Variants in NAV1 observed in about 807,000 individuals in gnomAD.
The protein encoded by NAV1 is neuron navigator 1, also known as pore membrane and/or filament interacting like protein 3.
A neutral mutation model predicts 175.2 loss-of-function variants in NAV1; 18 were observed. The observed-to-expected ratio is 0.10, with a 90% confidence interval of 0.07 to 0.15. The LOEUF is 0.15. Among genes scored for constraint, NAV1 ranks in the 10% least tolerant of loss-of-function variants. The pLI, the probability that NAV1 is intolerant of heterozygous loss-of-function variation, is 1.00. For synonymous variants in NAV1, 897 were observed against 978.7 expected, an observed-to-expected ratio of 0.92 and a Z score of 1.56; for missense variants, 1,731 against 2,436.6, an observed-to-expected ratio of 0.71 and a Z score of 6.10.
At chr1:201,672,061 T>C (rs1670065548) in intron 1 of NAV1, among the ~76,000 whole-genome samples, 1 of 152,114 alleles carries the variant, frequency 6.6e-6, no homozygotes, top group South Asian at 2.1e-4. Flanking sequence ...CTTCTCTACT[T>C]TCTCTCAGGA....
upstream of NAV1, chr1:201,622,823 A>T (rs1668214380): frequency 1.0e-6 from 1 of 985,096 alleles, no homozygotes; most frequent in African/African-American, 1.7e-5. Context: ...GATGTGCCTG[A>T]CGGTCTTTTT....
intron 17 of NAV1, among the ~76,000 whole-genome samples, chr1:201,804,870 A>G (rs947027138): frequency 2.6e-5 from 4 of 152,208 alleles, no homozygotes; most frequent in Non-Finnish European, 5.9e-5. Flanking sequence ...TAGAGACCCA[A>G]CATGGAAGAG....
In NAV1 at chr1:201,694,472, G is replaced by A. The variant is rs1413985101; in HGVS notation, c.758-18345G>A. Among the ~76,000 whole-genome samples the A allele has an allele frequency of 6.6e-6, 1 of 152,192 alleles. No homozygotes were observed. The highest frequency in any genetic ancestry group is 1.5e-5 in the Non-Finnish European group (1 of 68,034). Reference sequence around the variant, plus strand: ...GGGAGGGTGAGGGCCGGGGTCACCAGCTGCTGGGGCTTCTTGCCCTGAGTT... The same window carrying A: ...GGGAGGGTGAGGGCCGGGGTCACCAACTGCTGGGGCTTCTTGCCCTGAGTT... On this transcript the variant is annotated intron_variant, in intron 1 of 29. Transcript: ENST00000367296. This position sits in a 1 kb window ranked among gnomAD's most constrained non-coding sequence, Gnocchi z 4.2.
chr1:201,809,379 G>A, intron 21 of NAV1, 63 bp from the exon 26 acceptor site: 1 of 1,595,594 alleles, frequency 6.3e-7, no homozygotes, highest in East Asian at 2.2e-5. Flanking sequence ...AGGCCTTTAG[G>A]ACCCCGGTTC....
exon 7 of NAV1, chr1:201,783,577 C>T (rs568935530): frequency 6.8e-6 from 11 of 1,614,196 alleles, no homozygotes; most frequent in East Asian, 2.2e-5. Flanking sequence ...GCTTCACCCC[C>T]AGTCCGGCAC....
chr1:201,743,775 A>G (rs1240542543), intron 3 of NAV1, among the ~76,000 whole-genome samples: 1 of 152,218 alleles, frequency 6.6e-6, no homozygotes, highest in Non-Finnish European at 1.5e-5. Context: ...GTCATTGCCC[A>G]TATTCAGGTT....
At chr1:201,667,772 C>CCTCCCACATACAGAGA (rs1669884594) in intron 1 of NAV1, among the ~76,000 whole-genome samples, 1 of 152,194 alleles carries the variant, frequency 6.6e-6, no homozygotes, top group Non-Finnish European at 1.5e-5. Flanking sequence ...CTCCGCAGTT[C>CCTCCCACATACAGAGA]CTCCCACATA....
intron 1 of NAV1, among the ~76,000 whole-genome samples, chr1:201,583,713 T>G (rs1357526594): frequency 6.6e-6 from 1 of 152,252 alleles, no homozygotes; most frequent in Non-Finnish European, 1.5e-5. Context: ...CTGTTGAAGT[T>G]GCCAGCTCCC....
chr1:201,552,689 G>T (rs1665894468), intron 1 of NAV1, among the ~76,000 whole-genome samples: 1 of 152,132 alleles, frequency 6.6e-6, no homozygotes, highest in Non-Finnish European at 1.5e-5. Context: ...TCATTCTTAT[G>T]GTCCTTAATT....
rs1188885818 is a variant in NAV1, at chr1:201,624,336, C to CTTTTTTT, written c.-101+749_-101+755dup. The stretch of plus-strand genomic sequence containing the variant: ...AAAAACAAACGCTTAGTCAACTACG[C>CTTTTTTT]TTTTTTTTTTTTTTTTTTTTTTTTT... On this transcript the variant is annotated intron_variant, in intron 1 of 29. Coordinates refer to the NAV1 transcript ENST00000367302. Among the ~76,000 whole-genome samples the CTTTTTTT allele has an allele frequency of 8.3e-4, 66 of 79,464 alleles. 1 individual carries two copies. Among genetic ancestry groups the CTTTTTTT allele is most frequent in the South Asian group, 1.5e-3 (3 of 1,998 alleles). 52.1% of individuals were successfully genotyped at this position (79,464 alleles called of 152,430 possible). A position where few individuals can be genotyped will look rare whatever the true frequency, so the allele number is the denominator to read the frequency against.
intron 1 of NAV1, among the ~76,000 whole-genome samples, chr1:201,548,280 T>A (rs886521795): frequency 2.0e-5 from 3 of 152,216 alleles, no homozygotes; most frequent in African/African-American, 4.8e-5. Context: ...TAAATAGCTA[T>A]CAATAAAGGT....
chr1:201,541,117 G>A lies in NAV1; in HGVS notation c.-144+1775G>A, dbSNP rs1368895555. 1.3e-5 allele frequency among the ~76,000 whole-genome samples: 2 copies of A among 152,118 alleles called. 1 individual carries two copies. The highest frequency in any genetic ancestry group is 2.9e-5 in the Non-Finnish European group (2 of 68,014). On this transcript the variant is annotated intron_variant, in intron 1 of 33. Coordinates refer to the NAV1 transcript ENST00000685211. ...TTTGCATTTTTTGTTTTTGTTGATT[G>A]TCAGTGTGCCATGCTTTGTATTTTA... is the stretch of plus-strand genomic sequence containing the variant.
intron 3 of NAV1, among the ~76,000 whole-genome samples, chr1:201,779,620 A>AAAAAAAAAAAAAAAAAAAAAACAC (rs1165371346): frequency 6.8e-6 from 1 of 146,156 alleles, no homozygotes; most frequent in African/African-American, 2.5e-5. Flanking sequence ...AAAAAAAAAA[A>AAAAAAAAAAAAAAAAAAAAAACAC]AGAACAGCCA....
intron 3 of NAV1, among the ~76,000 whole-genome samples, chr1:201,775,434 A>T (rs1009395083): frequency 3.9e-5 from 6 of 152,216 alleles, no homozygotes; most frequent in African/African-American, 1.4e-4. Flanking sequence ...GAATCAGTCC[A>T]ATCTCATCTC....
At position 201,810,705 on chromosome 1, in the gene NAV1, G is replaced by A. The variant is rs1415181018; in HGVS notation, c.4744G>A (p.Glu1582Lys). 3 of 1,614,150 alleles carry A rather than the reference G, an allele frequency of 1.9e-6. No individual in the cohort carries two copies. The highest frequency in any genetic ancestry group is 2.5e-6 in the Non-Finnish European group (3 of 1,180,028). The change falls in exon 24 of 30, where the codon GAG (glutamate) becomes AAG (lysine). Residue 1582 changes from glutamate to lysine, a missense_variant. Physicochemically the swap from Glu to Lys is moderately conservative, Grantham distance 56 (BLOSUM62 1). This residue lies in a region of NAV1 where 115 missense variants were observed against 269.4 expected (regional missense o/e 0.43). Coordinates refer to ENST00000367296, the Ensembl canonical transcript of NAV1. This position sits in a 1 kb window ranked among gnomAD's most constrained non-coding sequence, Gnocchi z 6.0. ...GTACCTGGTGGAGCGCTCTGGCCGT[G>A]AGGTCACAGAGGGCATCGTCAGCAC...
At chr1:201,707,157 G>A (rs1571897609) in intron 1 of NAV1, among the ~76,000 whole-genome samples, 3 of 152,304 alleles carry the variant, frequency 2.0e-5, no homozygotes. Context: ...AGGTATGAGT[G>A]AGGGTCTCAC....
chr1:201,689,786 C>T lies in NAV1; in HGVS notation c.758-23031C>T, dbSNP rs144219076. On this transcript the variant is annotated intron_variant, in intron 1 of 29. Coordinates refer to ENST00000367296, the Ensembl canonical transcript of NAV1. The stretch of plus-strand genomic sequence containing the variant: ...CAACCTAAGCTTTGAGAGAGATGTG[C>T]GATTGGGGGAGTGCGGTGGAAGCTC... Among the ~76,000 whole-genome samples, 542 of 152,238 alleles carry T rather than the reference C, an allele frequency of 3.6e-3. 3 individuals carry two copies. The highest frequency in any genetic ancestry group is 0.012 in the African/African-American group (512 of 41,516).
intron 2 of NAV1, among the ~76,000 whole-genome samples, chr1:201,616,765 G>A (rs2102266557): frequency 6.6e-6 from 1 of 152,280 alleles, no homozygotes; most frequent in Non-Finnish European, 1.5e-5. Context: ...GGGATTATAG[G>A]CATAAGCCAC....
chr1:201,744,316 G>T (rs596238), intron 3 of NAV1, among the ~76,000 whole-genome samples: 88,884 of 140,552 alleles, frequency 0.63, 28,129 homozygotes, highest in Non-Finnish European at 0.71. Context: ...ATGTATGTAT[G>T]TATTTATTTA....
Sources: allele counts gnomAD v4.1 joint callset (sites outside exome capture counted in the v4.1 genomes callset), GRCh38; gene constraint gnomAD v4.1.1; regional missense constraint gnomAD v4.1.1; non-coding constraint Gnocchi (gnomAD v3.1); transcripts MANE v1.5; gene names NCBI Gene and HGNC (gene_info 2026-07-23, HGNC 2026-07-21).